Variants in PHF20 observed in about 807,000 individuals in gnomAD.
PHF20 encodes the protein PHD finger protein 20.
In PHF20, 23 loss-of-function variants were observed where a neutral mutation model predicts 113.5. That is an observed-to-expected ratio of 0.20 (90% confidence interval 0.15 to 0.29). The LOEUF (loss-of-function observed/expected upper bound fraction) is 0.29. Ranked by LOEUF, PHF20 falls within the 10% of genes least tolerant of loss-of-function variation. The pLI is 1.00. For missense variants in PHF20, 943 were observed against 1,219.6 expected (o/e 0.77, Z 3.38); for synonymous variants, 434 against 457.3 (o/e 0.95, Z 0.65).
rs1348930324 is a variant in PHF20, at chr20:35,869,369, T to TTA, written c.809-62_809-61dup. On this transcript the variant is annotated intron_variant, in intron 6 of 17. Coordinates refer to ENST00000374012, the MANE Select transcript of PHF20 (RefSeq NM_016436.5). ...ATATATATATGTATATATGTTTTAT[T>TTA]TATATATAAAAATGACAGACACTAA... 6.8e-6 allele frequency: 5 copies of TTA among 736,216 alleles called. No homozygotes were observed. The Admixed American group carries it at 1.4e-4, about 21-fold the overall frequency. The allele number at this position is 736,216 out of a possible 1,614,324, so 45.6% of individuals were successfully genotyped here. A position where few individuals can be genotyped will look rare whatever the true frequency, so the allele number is the denominator to read the frequency against.
chr20:35,795,116 C>T (rs563772732), intron 1 of PHF20, among the ~76,000 whole-genome samples: 4 of 151,240 alleles, frequency 2.6e-5, no homozygotes, highest in Admixed American at 1.3e-4. Flanking sequence ...CGCTTGAACC[C>T]GGGAGGAGGA....
chr20:35,943,525 C>A (rs2056028917), intron 17 of PHF20, among the ~76,000 whole-genome samples: 1 of 147,170 alleles, frequency 6.8e-6, no homozygotes, highest in African/African-American at 2.5e-5. Context: ...GCCTAGTAAG[C>A]TATTATATGA....
At position 35,938,700 on chromosome 20, in the gene PHF20, C is replaced by A. The variant is rs551324165; in HGVS notation, c.2304C>A (p.Ser768Arg). The change falls in exon 16 of 18, where the codon AGC becomes AGA. Residue 768 changes from serine to arginine, a missense_variant. Physicochemically the swap from Ser to Arg is moderately radical, Grantham distance 110 (BLOSUM62 -1). This residue lies in a region of PHF20 where 349 missense variants were observed against 412.3 expected (regional missense o/e 0.85). Transcript: ENST00000374012. ...GLQLKMSILQ[S>R]REHPDLPLWC... ...GTCCTCTTTGTCCTCTCAACAGAAG[C>A]CGGGAGCATCCTGATCTGCCGCTGT... The A allele has an allele frequency of 1.2e-6, 2 of 1,603,154 alleles. No individual in the cohort carries two copies. The highest frequency in any genetic ancestry group is 4.5e-5 in the East Asian group (2 of 44,856).
At chr20:35,807,200 T>G (rs1353864426) in intron 2 of PHF20, among the ~76,000 whole-genome samples, 1 of 152,062 alleles carries the variant, frequency 6.6e-6, no homozygotes, top group Non-Finnish European at 1.5e-5. Context: ...TGATAAAAAG[T>G]TTTCATTCAT....
At position 35,913,292 on chromosome 20, in the gene PHF20, G is replaced by A; in HGVS notation, c.1605G>A (p.Glu535=). Residue 535 remains glutamate, a synonymous_variant, in exon 11 of 18, where the codon GAG becomes GAA. Coordinates refer to ENST00000374012, the MANE Select transcript of PHF20 (RefSeq NM_016436.5). ...KEKNKEKKFK[E]FVRVKPKKKK... ...AGAATAAAGAGAAGAAATTCAAGGAGTTTGTGAGAGTGAAGCCAAAGAAGA... is the reference window on the plus strand; with the variant it reads ...AGAATAAAGAGAAGAAATTCAAGGAATTTGTGAGAGTGAAGCCAAAGAAGA... The A allele has an allele frequency of 6.2e-7, 1 of 1,603,836 alleles. No homozygotes were observed. Among genetic ancestry groups the A allele is most frequent in the South Asian group, 1.1e-5 (1 of 89,310 alleles).
At position 35,913,135 on chromosome 20, in the gene PHF20, T is replaced by C. The variant is rs1190908641; in HGVS notation, c.1562-114T>C. 5 of 544,406 alleles carry C rather than the reference T, an allele frequency of 9.2e-6. No individual in the cohort carries two copies. In the Admixed American group the frequency reaches 1.3e-4, roughly 14 times the overall value. 33.7% of individuals were successfully genotyped at this position (544,406 alleles called of 1,614,324 possible). A position where few individuals can be genotyped will look rare whatever the true frequency, so the allele number is the denominator to read the frequency against. On this transcript the variant is annotated intron_variant, in intron 10 of 17. Coordinates refer to ENST00000374012, the MANE Select transcript of PHF20 (RefSeq NM_016436.5). ...CTGCCTCCAGACTGGAGCAATCTGC[T>C]CCAGACTTCCCAGGCAGAGCCAGAC...
Position 35,939,029 on chromosome 20 carries a change from C to A in PHF20, c.2633C>A (p.Ser878Tyr). The change falls in exon 16 of 18, where the codon TCC becomes TAC. Residue 878 changes from serine to tyrosine, a missense_variant. Physicochemically the swap from Ser to Tyr is moderately radical, Grantham distance 144. Around this residue, in one of 3 missense-constraint regions of PHF20, gnomAD observed 349 missense variants for 412.3 expected, o/e 0.85. Coordinates refer to ENST00000374012, the MANE Select transcript of PHF20 (RefSeq NM_016436.5). ...CCCCTCCATGAGAACGGCGATGATT[C>A]CCTTTCCCCGCGCCTGGGCTGGCCT... ...VNPLHENGDD[S>Y]LSPRLGWPLD... is the part of the protein sequence containing the mutation. 6.2e-7 allele frequency: 1 copy of A among 1,614,176 alleles called. No homozygotes were observed. The highest frequency in any genetic ancestry group is 1.7e-5 in the Admixed American group (1 of 60,024).
rs919575115 is a variant in PHF20 at position 35,938,934 on chromosome 20, C to T, written c.2538C>T (p.Ala846=). The T allele has an allele frequency of 4.3e-6, 7 of 1,614,216 alleles. No homozygotes were observed. Among genetic ancestry groups the T allele is most frequent in the Non-Finnish European group, 5.9e-6 (7 of 1,180,034 alleles). ...AGCATTGCTACCAGAAGCCCCGCGC[C>T]TATTACCCTGCCGTGGAGCAGAAGC... The part of the protein sequence containing the change: ...TSEHCYQKPR[A]YYPAVEQKLV... The change falls in exon 16 of 18, where the codon GCC becomes GCT. Residue 846 remains alanine (A), a synonymous_variant. Coordinates refer to ENST00000374012, the MANE Select transcript of PHF20 (RefSeq NM_016436.5).
chr20:35,892,353 G>A (rs1188711864), intron 9 of PHF20, among the ~76,000 whole-genome samples: 1 of 151,440 alleles, frequency 6.6e-6, no homozygotes, highest in African/African-American at 2.4e-5. Context: ...AGGATTACAG[G>A]CGTGAGCCAC....
intron 13 of PHF20, among the ~76,000 whole-genome samples, chr20:35,926,375 C>T: frequency 6.6e-6 from 1 of 150,470 alleles, no homozygotes; most frequent in East Asian, 2.0e-4. Context: ...GTAGCTGGGA[C>T]TACAGGCGCC....
chr20:35,812,065 G>A (rs942112114), intron 2 of PHF20, among the ~76,000 whole-genome samples: 8 of 151,946 alleles, frequency 5.3e-5, no homozygotes, highest in East Asian at 1.9e-4. Context: ...GAGCCACAGC[G>A]CCCGGCCCCT....
At chr20:35,837,668 C>G (rs1409322302) in intron 2 of PHF20, among the ~76,000 whole-genome samples, 1 of 152,174 alleles carries the variant, frequency 6.6e-6, no homozygotes, top group South Asian at 2.1e-4. Flanking sequence ...AAGCCTAATC[C>G]ATTTATGTGT....
chr20:35,844,424 T>G (rs1445154048), intron 3 of PHF20, among the ~76,000 whole-genome samples: 19 of 149,818 alleles, frequency 1.3e-4, no homozygotes, highest in East Asian at 3.9e-4. Flanking sequence ...TTGGTTTTTT[T>G]TTTTTTTGAT....
intron 2 of PHF20, among the ~76,000 whole-genome samples, chr20:35,835,119 A>G (rs1451599757): frequency 6.6e-6 from 1 of 151,998 alleles, no homozygotes; most frequent in African/African-American, 2.4e-5. Context: ...TATTAAAAAT[A>G]TAAAAATTAG....
At chr20:35,787,216 G>T (rs766031988) in intron 1 of PHF20, among the ~76,000 whole-genome samples, 1 of 151,664 alleles carries the variant, frequency 6.6e-6, no homozygotes, top group Non-Finnish European at 1.5e-5. Context: ...TTTCACTCTT[G>T]TTGCCCAGGC....
chr20:35,936,480 C>T (rs2147123256), intron 15 of PHF20, among the ~76,000 whole-genome samples: 1 of 152,276 alleles, frequency 6.6e-6, no homozygotes, highest in East Asian at 1.9e-4. Flanking sequence ...TACAGGAAGG[C>T]ATCCACAGCA....
At chr20:35,792,353 A>G (rs1489890303) in intron 1 of PHF20, among the ~76,000 whole-genome samples, 1 of 137,616 alleles carries the variant, frequency 7.3e-6, no homozygotes, top group Non-Finnish European at 1.6e-5. Flanking sequence ...ACGCCCGGCT[A>G]ATTTTTTGTA....
intron 10 of PHF20, among the ~76,000 whole-genome samples, chr20:35,902,847 A>G (rs570082648): frequency 2.0e-5 from 3 of 152,272 alleles, no homozygotes; most frequent in African/African-American, 7.2e-5. Context: ...TGTCTGGCCT[A>G]TAATAAACTC....
At chr20:35,846,350 G>A (rs2042623825) in intron 3 of PHF20, among the ~76,000 whole-genome samples, 2 of 151,800 alleles carry the variant, frequency 1.3e-5, no homozygotes, top group African/African-American at 4.8e-5. Flanking sequence ...GCTAATTTTT[G>A]TATTTTTAGT....
Sources: gnomAD v4.1 joint callset for allele counts (sites outside exome capture counted in the v4.1 genomes callset) on GRCh38, gnomAD v4.1.1 for gene constraint, gnomAD v4.1.1 regional missense constraint, MANE v1.5 for transcripts, NCBI Gene and HGNC (gene_info 2026-07-23, HGNC 2026-07-21) for gene names.